The following ADGRL2 variants were observed in gnomAD, a reference collection of about 807,000 sequenced individuals.
ADGRL2 encodes adhesion G protein-coupled receptor L2, also known as calcium-independent alpha-latrotoxin receptor 2.
A neutral mutation model predicts 157.4 loss-of-function variants in ADGRL2; 44 were observed. The observed-to-expected ratio is 0.28, with a 90% CI of 0.22 to 0.36. The LOEUF (loss-of-function observed/expected upper bound fraction) is 0.36. ADGRL2 is among the 10% of genes least tolerant of loss of function. ADGRL2 has a pLI of 1.00. For synonymous variants in ADGRL2, 585 were observed against 624.7 expected (o/e 0.94, Z 0.95); for missense variants, 1,510 against 1,768.9 (o/e 0.85, Z 2.63).
chr1:81,765,428 T>C (rs1398474264), intron 2 of ADGRL2, among the ~76,000 whole-genome samples: 2 of 152,060 alleles, frequency 1.3e-5, no homozygotes, highest in African/African-American at 4.8e-5. Flanking sequence ...ATTCAAACTA[T>C]TTCTTTCTGA....
At chr1:81,942,418 AT>A (rs1241902905) in intron 5 of ADGRL2, among the ~76,000 whole-genome samples, 13 of 151,780 alleles carry the variant, frequency 8.6e-5, no homozygotes, top group African/African-American at 2.9e-4. Context: ...CTTTTCTTGC[AT>A]TTACTTTTCT....
chr1:81,403,363 C>T (rs2076794691), intron 1 of ADGRL2, among the ~76,000 whole-genome samples: 1 of 152,020 alleles, frequency 6.6e-6, no homozygotes, highest in Non-Finnish European at 1.5e-5. Context: ...CTCTCGGGCT[C>T]AAGAGATTCT....
chr1:81,801,162 T>G (rs888527165), intron 1 of ADGRL2, among the ~76,000 whole-genome samples, 94 bp downstream of exon 1: 47 of 152,256 alleles, frequency 3.1e-4, no homozygotes, highest in Middle Eastern at 6.8e-3. Flanking sequence ...TGGGCGACAA[T>G]GAGTTATAGA....
At position 81,874,337 on chromosome 1, in the gene ADGRL2, A is replaced by G. The variant is rs532144317; in HGVS notation, c.74-32680A>G. 9.6e-4 allele frequency among the ~76,000 whole-genome samples: 146 copies of G among 152,294 alleles called. 3 individuals are homozygous for G. The highest frequency in any genetic ancestry group is 3.4e-3 in the African/African-American group (140 of 41,568). On this transcript the variant is annotated intron_variant, in intron 2 of 23. Transcript: ENST00000686636. ...AGAATATTGATTAAACATTTTACCA[A>G]TAAGTTTCAGATTGATTTACATATT...
intron 1 of ADGRL2, among the ~76,000 whole-genome samples, chr1:81,726,767 T>C (rs1013544289): frequency 6.6e-6 from 1 of 152,222 alleles, no homozygotes; most frequent in African/African-American, 2.4e-5. Flanking sequence ...TCATGTTACC[T>C]ACAGTTTTTC....
intron 3 of ADGRL2, among the ~76,000 whole-genome samples, chr1:81,684,107 G>A (rs756163453): frequency 7.2e-5 from 11 of 152,240 alleles, no homozygotes; most frequent in East Asian, 1.9e-4. Context: ...GAGCCACTGC[G>A]CCCGGCCAAA....
intron 1 of ADGRL2, among the ~76,000 whole-genome samples, chr1:81,343,688 G>C (rs976377163): frequency 6.6e-6 from 1 of 152,114 alleles, no homozygotes; most frequent in Non-Finnish European, 1.5e-5. Flanking sequence ...GACAGAGAGA[G>C]AGAGAAAGAG....
intron 1 of ADGRL2, among the ~76,000 whole-genome samples, chr1:81,725,131 G>A (rs1350220318): frequency 1.3e-5 from 2 of 151,274 alleles, no homozygotes; most frequent in Non-Finnish European, 2.9e-5. Flanking sequence ...CTTGAACCCG[G>A]GAGGTGGAGG....
chr1:81,881,701 C>T (rs373086384), intron 2 of ADGRL2, among the ~76,000 whole-genome samples: 2 of 152,118 alleles, frequency 1.3e-5, no homozygotes, highest in African/African-American at 2.4e-5. Flanking sequence ...GTTCCTACAC[C>T]GCTTACAGTA....
At chr1:81,331,198 CT>C (rs1249522197) in intron 1 of ADGRL2, among the ~76,000 whole-genome samples, 1 of 152,094 alleles carries the variant, frequency 6.6e-6, no homozygotes, top group African/African-American at 2.4e-5. Flanking sequence ...TGTGTAATTG[CT>C]TTTTAAACAT....
intron 3 of ADGRL2, among the ~76,000 whole-genome samples, chr1:81,608,947 C>G (rs2081487578): frequency 6.6e-6 from 1 of 152,126 alleles, no homozygotes; most frequent in Non-Finnish European, 1.5e-5. Context: ...AAGAGATCAC[C>G]AAAGCCCTCT....
chr1:81,504,196 C>A (rs1057143736), intron 2 of ADGRL2, among the ~76,000 whole-genome samples: 1 of 151,994 alleles, frequency 6.6e-6, no homozygotes, highest in Non-Finnish European at 1.5e-5. Context: ...TCTCTGGCCG[C>A]CCCCCCAAAC....
At chr1:81,440,633 T>C (rs1313199207) in intron 1 of ADGRL2, among the ~76,000 whole-genome samples, 1 of 152,174 alleles carries the variant, frequency 6.6e-6, no homozygotes, top group East Asian at 1.9e-4. Flanking sequence ...TACTGCCATC[T>C]CCAAGAGACT....
intron 1 of ADGRL2, among the ~76,000 whole-genome samples, chr1:81,383,718 A>G (rs2076382810): frequency 6.7e-6 from 1 of 149,252 alleles, no homozygotes. Flanking sequence ...TAATCCCAGC[A>G]CTTTGGGAGG....
intron 2 of ADGRL2, among the ~76,000 whole-genome samples, chr1:81,522,452 T>C (rs1005209928): frequency 6.6e-6 from 1 of 152,176 alleles, no homozygotes; most frequent in African/African-American, 2.4e-5. Context: ...ATATAACATG[T>C]CAGTTCAAGA....
intron 3 of ADGRL2, among the ~76,000 whole-genome samples, chr1:81,606,033 G>A (rs1174581846): frequency 6.6e-6 from 1 of 151,990 alleles, no homozygotes; most frequent in East Asian, 1.9e-4. Context: ...TTTTTAACAA[G>A]TACTACACTG....
intron 3 of ADGRL2, among the ~76,000 whole-genome samples, chr1:81,650,065 A>AG (rs1364089094): frequency 6.6e-6 from 1 of 152,002 alleles, no homozygotes; most frequent in East Asian, 1.9e-4. Context: ...TAAAAAAAAA[A>AG]AAAAAAATCA....
chr1:81,898,614 G>A (rs2094435364), intron 2 of ADGRL2, among the ~76,000 whole-genome samples: 1 of 152,112 alleles, frequency 6.6e-6, no homozygotes, highest in South Asian at 2.1e-4. Context: ...CTGCCTTGTG[G>A]TATAAAAAAG....
chr1:81,753,288 A>AAG (rs2085551676), intron 1 of ADGRL2, among the ~76,000 whole-genome samples: 1 of 152,210 alleles, frequency 6.6e-6, no homozygotes, highest in Non-Finnish European at 1.5e-5. Flanking sequence ...GGTGGCAGGC[A>AAG]AGAGAGAGCT....
Sources: allele counts gnomAD v4.1 joint callset (sites outside exome capture counted in the v4.1 genomes callset), GRCh38; gene constraint gnomAD v4.1.1; transcripts MANE v1.5; gene names NCBI Gene and HGNC (gene_info 2026-07-23, HGNC 2026-07-21).